CACNA1C: variants seen among roughly 807,000 people sequenced by gnomAD.
CACNA1C encodes the protein voltage-dependent L-type calcium channel subunit alpha-1C.
In CACNA1C, 30 loss-of-function variants were observed where a neutral mutation model predicts 229.0. The ratio of observed to expected loss-of-function variants is 0.13; its 90% confidence interval spans 0.10 to 0.18. The LOEUF is 0.18. Ranked by LOEUF, CACNA1C falls within the 10% of genes least tolerant of loss-of-function variation. The pLI is 1.00. For missense variants in CACNA1C, 1,658 were observed against 2,845.0 expected, an observed-to-expected ratio of 0.58 and a Z score of 9.49; for synonymous variants, 1,114 against 1,132.5, an observed-to-expected ratio of 0.98 and a Z score of 0.33.
At chr12:2,517,909 C>G (rs1166916701) in intron 9 of CACNA1C, among the ~76,000 whole-genome samples, 1 of 152,254 alleles carries the variant, frequency 6.6e-6, no homozygotes, top group African/African-American at 2.4e-5. Flanking sequence ...ACAGGAATCT[C>G]TCTTTCATGT....
intron 4 of CACNA1C, among the ~76,000 whole-genome samples, chr12:2,450,283 G>C (rs532152975): frequency 6.6e-6 from 1 of 152,108 alleles, no homozygotes; most frequent in South Asian, 2.1e-4. Flanking sequence ...GGTCAGGCGC[G>C]GTGGCTCACA....
At chr12:2,303,565 G>A (rs549161472) in intron 3 of CACNA1C, among the ~76,000 whole-genome samples, 9 of 152,018 alleles carry the variant, frequency 5.9e-5, no homozygotes, top group African/African-American at 1.9e-4. Context: ...AGGAGTTCGC[G>A]ACCAGCCCGG....
chr12:2,074,492 G>A (rs1172369161), intron 1 of CACNA1C, among the ~76,000 whole-genome samples: 1 of 152,126 alleles, frequency 6.6e-6, no homozygotes, highest in Non-Finnish European at 1.5e-5. Flanking sequence ...CTGAGCAGGT[G>A]CAGGCTTGGC....
rs1278326337 is a variant in CACNA1C at position 2,633,894 on chromosome 12, G to A, written c.3829-403G>A. ...CGTCGTCCTGTGGGGGAAAAAAAGTGGGAGCTTCTCCTCCTTTTTTTCCAT... is the reference window on the plus strand; with the variant it reads ...CGTCGTCCTGTGGGGGAAAAAAAGTAGGAGCTTCTCCTCCTTTTTTTCCAT... On this transcript the variant is annotated intron_variant, in intron 29 of 46. Coordinates refer to ENST00000399655, the MANE Select transcript of CACNA1C (RefSeq NM_000719.7). The surrounding 1 kb of genome is among the most constrained non-coding windows in gnomAD (Gnocchi z 5.8). Among the ~76,000 whole-genome samples, 1 of 152,144 alleles carries A rather than the reference G, an allele frequency of 6.6e-6. No individual in the cohort carries two copies. Among genetic ancestry groups the A allele is most frequent in the African/African-American group, 2.4e-5 (1 of 41,412 alleles).
chr12:2,369,509 C>T (rs1174229228), intron 3 of CACNA1C, among the ~76,000 whole-genome samples: 1 of 151,776 alleles, frequency 6.6e-6, no homozygotes, highest in East Asian at 1.9e-4. Flanking sequence ...AGCGATTCTC[C>T]TACCTCAGCC....
At chr12:2,329,886 C>T (rs2096486217) in intron 3 of CACNA1C, among the ~76,000 whole-genome samples, 1 of 152,210 alleles carries the variant, frequency 6.6e-6, no homozygotes, top group Admixed American at 6.5e-5. Context: ...AAGGCCATGA[C>T]AGCTGGATTT....
rs1275973467 is a variant in CACNA1C at position 2,585,718 on chromosome 12, A to C, written c.2461-117A>C. ...TCTTGAAGGAGATATGCAAAGTGACAAGTACCTATTTTTGAGCTAAGTCAC... is the reference window on the plus strand; with the variant it reads ...TCTTGAAGGAGATATGCAAAGTGACCAGTACCTATTTTTGAGCTAAGTCAC... On this transcript the variant is annotated intron_variant, in intron 17 of 46. Transcript: ENST00000399655. This position sits in a 1 kb window ranked among gnomAD's most constrained non-coding sequence, Gnocchi z 4.1. The C allele has an allele frequency of 1.1e-5, 10 of 919,918 alleles. No individual in the cohort carries two copies. The Admixed American group carries it at 1.8e-4, about 17-fold the overall frequency. The allele number at this position is 919,918 out of a possible 1,614,324, so 57.0% of individuals were successfully genotyped here.
At chr12:2,395,360 A>G (rs1412484165) in intron 3 of CACNA1C, among the ~76,000 whole-genome samples, 1 of 152,112 alleles carries the variant, frequency 6.6e-6, no homozygotes, top group Admixed American at 6.5e-5. Flanking sequence ...CTGGAAACAC[A>G]GGTGTGCACC....
Position 2,598,049 on chromosome 12 carries a change from G to A in CACNA1C, c.2853+760G>A, listed in dbSNP as rs919944071. ...GTCACAGTGATCACAGGCCTACTGTGAGATGTGGAGCTGGTCTCCCAGCTG... is the reference window on the plus strand; with the variant it reads ...GTCACAGTGATCACAGGCCTACTGTAAGATGTGGAGCTGGTCTCCCAGCTG... On this transcript the variant is annotated intron_variant, in intron 21 of 46. Transcript: ENST00000399655. 2.6e-5 allele frequency among the ~76,000 whole-genome samples: 4 copies of A among 152,364 alleles called. No individual in the cohort carries two copies. In the South Asian group the frequency reaches 8.3e-4, roughly 32 times the overall value.
chr12:2,147,206 T>C (rs2094802079), intron 3 of CACNA1C, among the ~76,000 whole-genome samples: 1 of 151,460 alleles, frequency 6.6e-6, no homozygotes, highest in South Asian at 2.1e-4. Flanking sequence ...TGTTTAATGT[T>C]TCAGGAGCTT....
chr12:2,261,742 G>T (rs182812707), intron 3 of CACNA1C, among the ~76,000 whole-genome samples: 1,569 of 151,680 alleles, frequency 0.01, 18 homozygotes, highest in African/African-American at 0.036. Flanking sequence ...GGGTCCTTGT[G>T]CAACACACAC....
chr12:2,023,068 G>A (rs1261330576), intron 1 of CACNA1C, among the ~76,000 whole-genome samples: 3 of 152,102 alleles, frequency 2.0e-5, no homozygotes, highest in African/African-American at 7.2e-5. Context: ...AGGGAGCCCT[G>A]TATTTTCATT....
intron 3 of CACNA1C, among the ~76,000 whole-genome samples, chr12:2,261,741 T>G (rs893956157): frequency 4.0e-5 from 6 of 151,640 alleles, no homozygotes; most frequent in African/African-American, 1.5e-4. Flanking sequence ...AGGGTCCTTG[T>G]GCAACACACA....
chr12:2,620,772 C>G (rs2082811980), intron 29 of CACNA1C, among the ~76,000 whole-genome samples: 1 of 152,226 alleles, frequency 6.6e-6, no homozygotes, highest in African/African-American at 2.4e-5. Context: ...AATGGGAAGA[C>G]TTACACATTG....
intron 3 of CACNA1C, among the ~76,000 whole-genome samples, chr12:2,356,471 C>G (rs375485727): frequency 5.4e-4 from 83 of 152,360 alleles, no homozygotes; most frequent in African/African-American, 2.0e-3. Flanking sequence ...GAAGATGCTC[C>G]CATCTGAACT....
chr12:2,649,742 A>C lies in CACNA1C; in HGVS notation c.3945+1235A>C, dbSNP rs891359857. ...CAGATCCAGATGCCCCTGTGGCACC[A>C]ACTTCTCAAACTCTTGACACTTGCA... is the stretch of plus-strand genomic sequence containing the variant. On this transcript the variant is annotated intron_variant, in intron 31 of 46. Transcript: ENST00000399655. The surrounding 1 kb of genome is among the most constrained non-coding windows in gnomAD (Gnocchi z 4.4). 2.6e-5 allele frequency among the ~76,000 whole-genome samples: 4 copies of C among 151,930 alleles called. No homozygotes were observed. Among genetic ancestry groups the C allele is most frequent in the African/African-American group, 4.8e-5 (2 of 41,350 alleles).
In CACNA1C at chr12:2,605,227, A is replaced by C. The variant is rs1379605162; in HGVS notation, c.3048+59A>C. 1.6e-6 allele frequency: 2 copies of C among 1,218,092 alleles called. No homozygotes were observed. The highest frequency in any genetic ancestry group is 1.7e-5 in the Admixed American group (1 of 58,362). The allele number at this position is 1,218,092 out of a possible 1,614,324, so 75.5% of individuals were successfully genotyped here. A position where few individuals can be genotyped will look rare whatever the true frequency, so the allele number is the denominator to read the frequency against. ...CAGCCCATTGGGGAGTGGGAGCTCCACAGAGGTGAGGGGTGGGTTGGAAGG... is the reference window on the plus strand; with the variant it reads ...CAGCCCATTGGGGAGTGGGAGCTCCCCAGAGGTGAGGGGTGGGTTGGAAGG... On this transcript the variant is annotated intron_variant, in intron 23 of 46. Transcript: ENST00000399655. This position sits in a 1 kb window ranked among gnomAD's most constrained non-coding sequence, Gnocchi z 6.2.
At chr12:2,059,507 C>T (rs1452852181) in intron 1 of CACNA1C, among the ~76,000 whole-genome samples, 1 of 151,590 alleles carries the variant, frequency 6.6e-6, no homozygotes, top group Non-Finnish European at 1.5e-5. Flanking sequence ...GGCAAGAAAC[C>T]CAAACCTCTC....
intron 1 of CACNA1C, among the ~76,000 whole-genome samples, chr12:2,113,671 C>T (rs1460392942): frequency 2.0e-5 from 3 of 152,166 alleles, no homozygotes; most frequent in African/African-American, 4.8e-5. Context: ...CTCTTATCTG[C>T]GGCTTTTCTT....
Sources: gnomAD v4.1 joint callset for allele counts (sites outside exome capture counted in the v4.1 genomes callset) on GRCh38, gnomAD v4.1.1 for gene constraint, Gnocchi (gnomAD v3.1) non-coding constraint, MANE v1.5 for transcripts, NCBI Gene and HGNC (gene_info 2026-07-23, HGNC 2026-07-21) for gene names.